GNA14: variants seen among roughly 807,000 people sequenced by gnomAD.
GNA14 encodes the protein guanine nucleotide-binding protein subunit alpha-14.
GNA14 carries 50 observed loss-of-function variants against 42.0 expected under a neutral mutation model. The observed-to-expected ratio is 1.19, with a 90% confidence interval of 0.95 to 1.51. The LOEUF is 1.51. Among genes scored for constraint, GNA14 ranks in the 40% most tolerant of loss-of-function variants. The pLI, the probability that GNA14 is intolerant of heterozygous loss-of-function variation, is 0.00. For synonymous variants in GNA14, 173 were observed against 163.1 expected, an observed-to-expected ratio of 1.06 and a Z score of -0.46; for missense variants, 473 against 446.2, an observed-to-expected ratio of 1.06 and a Z score of -0.54.
intron 2 of GNA14, among the ~76,000 whole-genome samples, chr9:77,519,385 T>A (rs11145454): frequency 6.6e-6 from 1 of 151,856 alleles, no homozygotes; most frequent in Non-Finnish European, 1.5e-5. Flanking sequence ...CACTCCAGCC[T>A]GGGTGACACG....
intron 2 of GNA14, among the ~76,000 whole-genome samples, chr9:77,509,939 AGTCT>A (rs1024770388): frequency 6.7e-4 from 102 of 152,318 alleles, no homozygotes; most frequent in African/African-American, 2.2e-3. Flanking sequence ...ACTACGTAGT[AGTCT>A]TTGTTTTTTA....
chr9:77,491,997 C>G (rs967811183), intron 2 of GNA14, among the ~76,000 whole-genome samples: 8 of 152,246 alleles, frequency 5.3e-5, no homozygotes, highest in African/African-American at 1.7e-4. Context: ...GAACTGATAA[C>G]AGGAAGAACC....
intron 2 of GNA14, among the ~76,000 whole-genome samples, chr9:77,438,527 C>G (rs776138627): frequency 5.9e-5 from 9 of 151,944 alleles, no homozygotes; most frequent in Non-Finnish European, 8.8e-5. Context: ...CTCAGCCTCC[C>G]AAAGTGCTGG....
chr9:77,505,034 C>T (rs1221401265), intron 2 of GNA14, among the ~76,000 whole-genome samples: 1 of 152,080 alleles, frequency 6.6e-6, no homozygotes, highest in Admixed American at 6.6e-5. Flanking sequence ...CATTTGTACT[C>T]CCCCTTGCCT....
intron 2 of GNA14, among the ~76,000 whole-genome samples, chr9:77,490,733 C>T (rs1836757644): frequency 6.6e-6 from 1 of 152,234 alleles, no homozygotes. Flanking sequence ...GCAAGCGCCT[C>T]ACACAGCCCC....
chr9:77,595,052 G>T (rs996500192), intron 1 of GNA14, among the ~76,000 whole-genome samples: 2 of 152,114 alleles, frequency 1.3e-5, no homozygotes, highest in African/African-American at 4.8e-5. Flanking sequence ...CCAAACAGTC[G>T]CACTTTCCAC....
At chr9:77,540,295 G>T (rs761341565) in intron 1 of GNA14, among the ~76,000 whole-genome samples, 1 of 151,914 alleles carries the variant, frequency 6.6e-6, no homozygotes, top group African/African-American at 2.4e-5. Context: ...AGTTCCTCTT[G>T]GTATTGATCC....
At chr9:77,548,727 T>C (rs1837753582) in intron 1 of GNA14, among the ~76,000 whole-genome samples, 1 of 152,176 alleles carries the variant, frequency 6.6e-6, no homozygotes, top group Admixed American at 6.5e-5. Context: ...CTCACATTAT[T>C]TTCTACATGC....
intron 3 of GNA14, among the ~76,000 whole-genome samples, chr9:77,433,409 CAG>C (rs1475293649): frequency 6.6e-6 from 1 of 151,774 alleles, no homozygotes; most frequent in Admixed American, 6.6e-5. Context: ...TTTTTTGAGA[CAG>C]AGTCTCACTC....
At chr9:77,579,670 A>G (rs1335741777) in intron 1 of GNA14, among the ~76,000 whole-genome samples, 1 of 152,094 alleles carries the variant, frequency 6.6e-6, no homozygotes, top group Non-Finnish European at 1.5e-5. Flanking sequence ...CCATATAGAC[A>G]TTTCAACGAC....
At chr9:77,471,148 C>T (rs918139539) in intron 2 of GNA14, among the ~76,000 whole-genome samples, 3 of 152,072 alleles carry the variant, frequency 2.0e-5, no homozygotes, top group African/African-American at 7.2e-5. Context: ...TGTGAAGGGA[C>T]AATACTGGAA....
At chr9:77,631,410 G>C (rs186139511) in intron 1 of GNA14, among the ~76,000 whole-genome samples, 1 of 144,448 alleles carries the variant, frequency 6.9e-6, no homozygotes, top group Admixed American at 7.1e-5. Flanking sequence ...GTATTACAGA[G>C]AATCTGTATT....
intron 5 of GNA14, among the ~76,000 whole-genome samples, chr9:77,426,463 C>G (rs1305997277): frequency 6.6e-6 from 1 of 152,086 alleles, no homozygotes; most frequent in Admixed American, 6.5e-5. Context: ...TACCACCACA[C>G]CCGGCTAATT....
intron 1 of GNA14, among the ~76,000 whole-genome samples, chr9:77,577,760 G>T (rs895897677): frequency 6.6e-6 from 1 of 152,244 alleles, no homozygotes; most frequent in African/African-American, 2.4e-5. Flanking sequence ...AGTTGCAGGA[G>T]GTACTTTGGA....
At chr9:77,644,942 ATTTC>A (rs1824330869) in intron 1 of GNA14, among the ~76,000 whole-genome samples, 1 of 152,198 alleles carries the variant, frequency 6.6e-6, no homozygotes, top group Non-Finnish European at 1.5e-5. Context: ...CTGATAAGAA[ATTTC>A]TTTCTACTAA....
At chr9:77,547,429 T>C (rs1208064214) in intron 1 of GNA14, among the ~76,000 whole-genome samples, 1 of 152,252 alleles carries the variant, frequency 6.6e-6, no homozygotes, top group East Asian at 1.9e-4. Flanking sequence ...AAATTAGCTC[T>C]ATTTTTGTTC....
chr9:77,514,951 T>C (rs1224421323), intron 2 of GNA14, among the ~76,000 whole-genome samples: 1 of 152,150 alleles, frequency 6.6e-6, no homozygotes, highest in Admixed American at 6.5e-5. Flanking sequence ...AAGTTAGCTA[T>C]TTATGAGTAC....
At chr9:77,515,562 G>A (rs887541849) in intron 2 of GNA14, among the ~76,000 whole-genome samples, 2 of 152,284 alleles carry the variant, frequency 1.3e-5, no homozygotes, top group African/African-American at 4.8e-5. Flanking sequence ...GATTTCTAAT[G>A]GTGTTCATCT....
intron 1 of GNA14, among the ~76,000 whole-genome samples, chr9:77,623,619 G>A (rs1346769570): frequency 6.6e-6 from 1 of 152,192 alleles, no homozygotes; most frequent in East Asian, 1.9e-4. Flanking sequence ...CGCACGGAGA[G>A]TGAGCCAAAG....
Sources: gnomAD v4.1 joint callset for allele counts (sites outside exome capture counted in the v4.1 genomes callset) on GRCh38, gnomAD v4.1.1 for gene constraint, MANE v1.5 for transcripts, NCBI Gene and HGNC (gene_info 2026-07-23, HGNC 2026-07-21) for gene names.